Variants in FRMD5 observed in about 807,000 individuals in gnomAD.
FRMD5 encodes FERM domain containing 5, also known as FERM domain-containing protein 5.
Under a neutral mutation model 69.0 loss-of-function variants are expected in FRMD5, and 20 were observed. The ratio of observed to expected loss-of-function variants is 0.29; its 90% CI spans 0.20 to 0.42. The LOEUF (loss-of-function observed/expected upper bound fraction) is 0.42, where lower values mean the gene tolerates loss of function less well. FRMD5 is among the 10% of genes least tolerant of loss of function. The pLI is 1.00. For synonymous variants in FRMD5, 271 were observed against 260.1 expected (o/e 1.04, Z -0.40); for missense variants, 595 against 708.6 (o/e 0.84, Z 1.82).
chr15:43,874,134 C>T lies in FRMD5; in HGVS notation c.1464G>A (p.Gly488=), dbSNP rs370288014. Residue 488 remains glycine (G), a synonymous_variant, in exon 14 of 14, where the codon GGG becomes GGA. Coordinates refer to ENST00000417257, the MANE Select transcript of FRMD5 (RefSeq NM_032892.5). ...ELRALCQGHS[G]PEEEQVNKFV... Reference sequence around the variant, plus strand: ...ACTTATTCACCTGTTCCTCCTCGGGCCCGCTGTGCCCCTGACACAGGGCCC... The same window carrying T: ...ACTTATTCACCTGTTCCTCCTCGGGTCCGCTGTGCCCCTGACACAGGGCCC... The T allele has an allele frequency of 5.6e-6, 9 of 1,614,108 alleles. No homozygotes were observed. The Middle Eastern group carries it at 4.9e-4, about 88-fold the overall frequency.
chr15:44,143,084 T>G (rs1199968049), intron 1 of FRMD5, among the ~76,000 whole-genome samples: 1 of 149,664 alleles, frequency 6.7e-6, no homozygotes, highest in Admixed American at 6.7e-5. Flanking sequence ...ACAGCGAGAC[T>G]CCGTCTCAAA....
In FRMD5 at chr15:43,878,909, G is replaced by T. The variant is rs139560241; in HGVS notation, c.1136-4447C>A. On this transcript the variant is annotated intron_variant, in intron 13 of 13. Coordinates refer to ENST00000417257, the MANE Select transcript of FRMD5 (RefSeq NM_032892.5). ...ATTAAACAAGATAATGGATAGATAGGCATTTCTTTTTTTTTTTCTTTTCTT... is the reference window on the plus strand; with the variant it reads ...ATTAAACAAGATAATGGATAGATAGTCATTTCTTTTTTTTTTTCTTTTCTT... Among the ~76,000 whole-genome samples the T allele has an allele frequency of 4.3e-3, 654 of 150,618 alleles. 3 individuals are homozygous for T. Among genetic ancestry groups the T allele is most frequent in the Non-Finnish European group, 6.7e-3 (451 of 67,692 alleles).
intron 1 of FRMD5, among the ~76,000 whole-genome samples, chr15:44,116,226 TAGAGAGAGAG>T (rs568214784): frequency 1.3e-5 from 2 of 148,262 alleles, no homozygotes; most frequent in African/African-American, 2.5e-5. Flanking sequence ...TATATATATA[TAGAGAGAGAG>T]AGAGAGGGAG....
At chr15:44,104,429 T>C (rs78508597) in intron 1 of FRMD5, among the ~76,000 whole-genome samples, 203 of 152,312 alleles carry the variant, frequency 1.3e-3, no homozygotes, top group African/African-American at 4.7e-3. Flanking sequence ...GTAGTGTACA[T>C]CAATGTCTGA....
In FRMD5 at chr15:44,008,053, CACTT is replaced by C. The variant is rs755834253; in HGVS notation, c.103-83748_103-83745del. ...ACATCCTGGGCTCTAGTGATTCTCT[CACTT>C]CAGCCTACTGAGTAGGTGGGGACAA... On this transcript the variant is annotated intron_variant, in intron 1 of 13. Coordinates refer to ENST00000417257, the MANE Select transcript of FRMD5 (RefSeq NM_032892.5). Among the ~76,000 whole-genome samples, 3 of 149,984 alleles carry C rather than the reference CACTT, an allele frequency of 2.0e-5. No homozygotes were observed. The East Asian group carries it at 6.0e-4, about 30-fold the overall frequency.
chr15:44,153,372 G>A (rs540529160), intron 1 of FRMD5, among the ~76,000 whole-genome samples: 2 of 152,192 alleles, frequency 1.3e-5, no homozygotes, highest in South Asian at 4.2e-4. Flanking sequence ...TATAATGAAG[G>A]ATTATTCAGA....
At chr15:43,878,969 A>AT (rs2088447482) in intron 13 of FRMD5, among the ~76,000 whole-genome samples, 1 of 120,688 alleles carries the variant, frequency 8.3e-6, no homozygotes, top group Non-Finnish European at 1.6e-5. Context: ...ATCTCACTCC[A>AT]TCTCATTGCC....
chr15:44,142,853 G>A (rs2077293654), intron 1 of FRMD5, among the ~76,000 whole-genome samples: 1 of 152,210 alleles, frequency 6.6e-6, no homozygotes, highest in East Asian at 1.9e-4. Flanking sequence ...CACTTTGGGA[G>A]GCCAAGGTGG....
At chr15:44,109,910 A>G (rs1205716530) in intron 1 of FRMD5, among the ~76,000 whole-genome samples, 1 of 152,094 alleles carries the variant, frequency 6.6e-6, no homozygotes, top group Admixed American at 6.5e-5. Flanking sequence ...ATAGTATACA[A>G]CCTGATTGGT....
chr15:44,189,005 T>A (rs1243781138), intron 1 of FRMD5, among the ~76,000 whole-genome samples: 1 of 152,190 alleles, frequency 6.6e-6, no homozygotes, highest in Non-Finnish European at 1.5e-5. Flanking sequence ...TGAATGGAGC[T>A]ATTGTACACA....
chr15:43,934,827 C>A (rs181809850), intron 1 of FRMD5, among the ~76,000 whole-genome samples: 35 of 152,328 alleles, frequency 2.3e-4, no homozygotes, highest in African/African-American at 6.7e-4. Context: ...ATAACCCAGG[C>A]AGCAGCGGGA....
At chr15:43,885,822 T>TC (rs1332014633) in intron 10 of FRMD5, 67 bp from the exon 11 acceptor site, 5 of 1,204,274 alleles carry the variant, frequency 4.2e-6, no homozygotes, top group Non-Finnish European at 6.2e-6. Flanking sequence ...AGGCAGCACA[T>TC]CCCCAGCTTC....
At chr15:43,876,493 C>T (rs935100401) in intron 13 of FRMD5, among the ~76,000 whole-genome samples, 3 of 152,040 alleles carry the variant, frequency 2.0e-5, no homozygotes, top group African/African-American at 7.2e-5. Flanking sequence ...CCAGGCTGGG[C>T]AACATAGACA....
intron 1 of FRMD5, among the ~76,000 whole-genome samples, chr15:44,089,926 T>C (rs1005013014): frequency 1.3e-5 from 2 of 152,094 alleles, no homozygotes; most frequent in Non-Finnish European, 2.9e-5. Context: ...TGAAACTTTG[T>C]CTTCCACCTC....
intron 1 of FRMD5, among the ~76,000 whole-genome samples, chr15:43,956,054 C>T (rs1410758325): frequency 6.6e-6 from 1 of 152,154 alleles, no homozygotes; most frequent in African/African-American, 2.4e-5. Context: ...CTCACTATTT[C>T]GACTAATAAT....
intron 1 of FRMD5, among the ~76,000 whole-genome samples, chr15:44,072,119 G>A (rs1893566957): frequency 2.6e-5 from 4 of 152,134 alleles, no homozygotes; most frequent in African/African-American, 7.2e-5. Context: ...ACCCACCTTG[G>A]CCTCCCAAAG....
chr15:43,914,989 A>T (rs939651149), intron 4 of FRMD5, among the ~76,000 whole-genome samples: 3 of 152,066 alleles, frequency 2.0e-5, no homozygotes, highest in African/African-American at 4.8e-5. Flanking sequence ...AGCCTCCCAA[A>T]GTGCTGGGAT....
chr15:44,166,508 G>T (rs2077711001), intron 1 of FRMD5, among the ~76,000 whole-genome samples: 1 of 151,918 alleles, frequency 6.6e-6, no homozygotes, highest in African/African-American at 2.4e-5. Context: ...ATGTACGCCA[G>T]GTGCGATGGC....
At chr15:44,170,669 G>A (rs1368617204) in intron 1 of FRMD5, among the ~76,000 whole-genome samples, 1 of 152,066 alleles carries the variant, frequency 6.6e-6, no homozygotes, top group Non-Finnish European at 1.5e-5. Flanking sequence ...TAGGCCCAGG[G>A]ACTTTTGCAA....
Sources: allele counts gnomAD v4.1 joint callset (sites outside exome capture counted in the v4.1 genomes callset), GRCh38; gene constraint gnomAD v4.1.1; transcripts MANE v1.5; gene names NCBI Gene and HGNC (gene_info 2026-07-23, HGNC 2026-07-21).